DIAPH2: variants seen among roughly 807,000 people sequenced by gnomAD.
DIAPH2 encodes the protein diaphanous related formin 2.
A neutral mutation model predicts 92.7 loss-of-function variants in DIAPH2; 35 were observed. The ratio of observed to expected loss-of-function variants is 0.38; its 90% CI spans 0.29 to 0.50. The LOEUF (loss-of-function observed/expected upper bound fraction) is 0.50, where lower values mean the gene tolerates loss of function less well. DIAPH2 is among the 20% of genes least tolerant of loss of function. DIAPH2 has a pLI of 0.94. For synonymous variants in DIAPH2, 301 were observed against 280.4 expected (o/e 1.07, Z -0.73); for missense variants, 701 against 819.5 (o/e 0.86, Z 1.77).
At chrX:96,877,909 G>T (rs1312492982) in intron 4 of DIAPH2, among the ~76,000 whole-genome samples, 1 of 112,071 alleles carries the variant, frequency 8.9e-6, no homozygotes, top group Non-Finnish European at 1.9e-5. Context: ...TGTTCACCTA[G>T]GTTTGGAATA....
chrX:96,795,095 A>G (rs1346623172), intron 4 of DIAPH2, among the ~76,000 whole-genome samples: 1 of 112,049 alleles, frequency 8.9e-6, no homozygotes, highest in Admixed American at 9.5e-5. Flanking sequence ...GAAAAGTCAC[A>G]TTCACAGGTT....
chrX:97,330,164 T>C (rs190543361), intron 23 of DIAPH2, among the ~76,000 whole-genome samples: 8 of 108,408 alleles, frequency 7.4e-5, no homozygotes, highest in Admixed American at 6.9e-4. Flanking sequence ...AGTTTGCCTA[T>C]TTCTTCCTTT....
At chrX:96,749,541 T>C (rs745932688) in intron 3 of DIAPH2, among the ~76,000 whole-genome samples, 3 of 111,608 alleles carry the variant, frequency 2.7e-5, no homozygotes, top group Non-Finnish European at 5.6e-5. Context: ...ACTTACTAAA[T>C]TGTAGTATTA....
intron 23 of DIAPH2, among the ~76,000 whole-genome samples, chrX:97,333,740 G>A (rs1212008153): frequency 9.1e-6 from 1 of 109,990 alleles, no homozygotes; most frequent in Non-Finnish European, 1.9e-5. Flanking sequence ...AATTTTTGTA[G>A]TTTTAGTAGA....
intron 17 of DIAPH2, among the ~76,000 whole-genome samples, chrX:97,067,636 A>G (rs2066642422): frequency 8.9e-6 from 1 of 111,773 alleles, no homozygotes; most frequent in South Asian, 3.7e-4. Context: ...TGCTACATAT[A>G]TACTCATCCA....
At chrX:97,594,540 GT>G (rs2071538533) in intron 26 of DIAPH2, among the ~76,000 whole-genome samples, 1 of 112,555 alleles carries the variant, frequency 8.9e-6, no homozygotes, top group South Asian at 3.7e-4. Flanking sequence ...AACATAAAAA[GT>G]TTTCTTGGTT....
At chrX:96,996,909 A>G (rs5921105) in intron 17 of DIAPH2, among the ~76,000 whole-genome samples, 10,924 of 111,620 alleles carry the variant, frequency 0.098, 618 homozygotes, top group African/African-American at 0.21. Flanking sequence ...ACAAAATAAA[A>G]GCAATGAAGT....
intron 17 of DIAPH2, among the ~76,000 whole-genome samples, chrX:96,988,846 G>A (rs1305338417): frequency 1.8e-5 from 2 of 110,856 alleles, no homozygotes; most frequent in Non-Finnish European, 3.8e-5. Context: ...TGTAGGCTGA[G>A]GTCATACTGT....
intron 23 of DIAPH2, among the ~76,000 whole-genome samples, chrX:97,261,217 G>A (rs1333492944): frequency 8.9e-6 from 1 of 112,621 alleles, no homozygotes; most frequent in Non-Finnish European, 1.9e-5. Flanking sequence ...ACGTGTGTGT[G>A]CATGTGTGTG....
chrX:97,455,971 C>T (rs775435045), intron 26 of DIAPH2, among the ~76,000 whole-genome samples: 54 of 112,132 alleles, frequency 4.8e-4, no homozygotes, highest in African/African-American at 1.7e-3. Flanking sequence ...CTTCCCGAGG[C>T]AAACTTTGTG....
At chrX:96,929,000 T>C in intron 9 of DIAPH2, among the ~76,000 whole-genome samples, 1 of 111,769 alleles carries the variant, frequency 8.9e-6, no homozygotes, top group Middle Eastern at 4.6e-3. Context: ...ACAGAAATGT[T>C]CTCTTTACTT....
chrX:97,397,110 C>T (rs1403164425), intron 25 of DIAPH2, among the ~76,000 whole-genome samples: 1 of 111,340 alleles, frequency 9.0e-6, no homozygotes, highest in Non-Finnish European at 1.9e-5. Flanking sequence ...AAGAAGACAT[C>T]GTTTAAGAAA....
At chrX:97,438,355 G>GTTTTTTTTT (rs1275825737) in intron 26 of DIAPH2, among the ~76,000 whole-genome samples, 14 of 41,840 alleles carry the variant, frequency 3.3e-4, no homozygotes, top group African/African-American at 7.1e-4. Flanking sequence ...TTTTTTGTTT[G>GTTTTTTTTT]TTTGTTTTTT....
At chrX:97,107,511 T>C (rs776114619) in intron 20 of DIAPH2, among the ~76,000 whole-genome samples, 108 of 112,024 alleles carry the variant, frequency 9.6e-4, no homozygotes, top group African/African-American at 3.4e-3. Flanking sequence ...GGTTGTTGTC[T>C]CAAAGAAGAT....
intron 23 of DIAPH2, among the ~76,000 whole-genome samples, chrX:97,277,909 G>C (rs145308595): frequency 1.8e-5 from 2 of 112,063 alleles, no homozygotes; most frequent in African/African-American, 6.5e-5. Flanking sequence ...GCAGGGGCGC[G>C]ATCTCGGCTC....
At chrX:97,092,521 C>A (rs762929493) in intron 19 of DIAPH2, among the ~76,000 whole-genome samples, 4 of 112,512 alleles carry the variant, frequency 3.6e-5, no homozygotes, top group Non-Finnish European at 7.5e-5. Context: ...ATTATGGATG[C>A]TCCATTTTGA....
In DIAPH2 at chrX:97,436,483, G is replaced by C. The variant is rs147498331; in HGVS notation, c.3241+6738G>C. On this transcript the variant is annotated intron_variant, in intron 26 of 26. Coordinates refer to ENST00000324765, the MANE Select transcript of DIAPH2 (RefSeq NM_006729.5). ...AGTTTTATGTGTCAGCAAGATAACA[G>C]TATAAATGAGAAGGTATAATTTACC... Among the ~76,000 whole-genome samples, 317 of 111,936 alleles carry C rather than the reference G, an allele frequency of 2.8e-3. 1 individual carries two copies. Among genetic ancestry groups the C allele is most frequent in the African/African-American group, 8.3e-3 (255 of 30,875 alleles).
chrX:97,014,144 G>A (rs1418286667), intron 17 of DIAPH2, among the ~76,000 whole-genome samples: 1 of 109,316 alleles, frequency 9.1e-6, no homozygotes, highest in Non-Finnish European at 1.9e-5. Context: ...AAGATTGTCA[G>A]TGAGGAGAGA....
chrX:97,182,794 G>T (rs1056351252), intron 22 of DIAPH2, among the ~76,000 whole-genome samples: 22 of 111,290 alleles, frequency 2.0e-4, no homozygotes, highest in African/African-American at 7.2e-4. Flanking sequence ...GAACTTCTCT[G>T]GTTTGAAGTA....
Sources: gnomAD v4.1 joint callset for allele counts (sites outside exome capture counted in the v4.1 genomes callset) on GRCh38, gnomAD v4.1.1 for gene constraint, MANE v1.5 for transcripts, NCBI Gene and HGNC (gene_info 2026-07-23, HGNC 2026-07-21) for gene names.